YEATS2: variants seen among roughly 807,000 people sequenced by gnomAD.
YEATS2 encodes YEATS domain containing 2.
In YEATS2, 77 loss-of-function variants were observed where a neutral mutation model predicts 163.2. That is an observed-to-expected ratio of 0.47 (90% confidence interval 0.39 to 0.57). YEATS2 has a LOEUF of 0.57. Among genes scored for constraint, YEATS2 ranks in the 20% least tolerant of loss-of-function variants. The pLI is 0.00. For synonymous variants in YEATS2, 631 were observed against 645.1 expected (o/e 0.98, Z 0.33); for missense variants, 1,549 against 1,729.8 (o/e 0.90, Z 1.85).
Position 183,747,693 on chromosome 3 carries a change from T to G in YEATS2, c.946T>G (p.Leu316Val). The change falls in exon 9 of 31, where the codon TTG (leucine) becomes GTG (valine). Residue 316 changes from leucine (L) to valine (V), a missense_variant. By Grantham distance (32) the Leu-to-Val change is conservative. Coordinates refer to ENST00000305135, the MANE Select transcript of YEATS2 (RefSeq NM_018023.5). ...NLKLDRTYTG[L>V]QTLGAETVVD... Reference sequence around the variant, plus strand: ...ATAGCTGGATAGAACTTATACTGGCTTGCAGACTCTTGGAGCAGAGACGGT... The same window carrying G: ...ATAGCTGGATAGAACTTATACTGGCGTGCAGACTCTTGGAGCAGAGACGGT... 6.2e-7 allele frequency: 1 copy of G among 1,613,344 alleles called. No homozygotes were observed. Among genetic ancestry groups the G allele is most frequent in the African/African-American group, 1.3e-5 (1 of 75,052 alleles).
chr3:183,725,841 TTCTTC>T (rs1465676914), intron 6 of YEATS2, among the ~76,000 whole-genome samples: 9 of 152,320 alleles, frequency 5.9e-5, no homozygotes, highest in East Asian at 5.8e-4. Flanking sequence ...TCCTGTTCTT[TTCTTC>T]TGTTTTGAAA....
Position 183,772,483 on chromosome 3 carries a change from T to C in YEATS2, c.2126T>C (p.Ile709Thr). 6.2e-7 allele frequency: 1 copy of C among 1,614,080 alleles called. No homozygotes were observed. The highest frequency in any genetic ancestry group is 1.7e-5 in the Admixed American group (1 of 60,010). The change falls in exon 16 of 31, where the codon ATT (isoleucine) becomes ACT (threonine). Residue 709 changes from isoleucine (I) to threonine (T), a missense_variant. By Grantham distance (89) the Ile-to-Thr change is moderately conservative. Coordinates refer to ENST00000305135, the MANE Select transcript of YEATS2 (RefSeq NM_018023.5). ...ATTGTGAGTGGAGGTGGAGGAACCA[T>C]TGTTGCTCAGCCAGTGCAGACCTTA... is the stretch of plus-strand genomic sequence containing the variant. ...KAIVSGGGGTIVAQPVQTLTK... is the reference protein window; with the variant it reads ...KAIVSGGGGTTVAQPVQTLTK...
chr3:183,722,278 CTTTTTTTTTTTTTTTTTTT>C, intron 5 of YEATS2, 142 bp downstream of exon 5: 1 of 307,820 alleles, frequency 3.2e-6, no homozygotes, highest in Non-Finnish European at 5.0e-6. Flanking sequence ...GAAACCAAAT[CTTTTTTTTTTTTTTTTTTT>C]TTTTTTTTTG....
intron 7 of YEATS2, among the ~76,000 whole-genome samples, chr3:183,732,810 C>G (rs947622189): frequency 6.6e-6 from 1 of 152,124 alleles, no homozygotes; most frequent in African/African-American, 2.4e-5. Flanking sequence ...CTGCCCACCT[C>G]GGCCTCCCAA....
rs869091775 is a variant in YEATS2, at chr3:183,730,052, GTTTTTTTTTTTTTTTTTT to G, written c.812+1219_812+1236del. Among the ~76,000 whole-genome samples the G allele has an allele frequency of 2.5e-3, 106 of 41,714 alleles. 1 individual carries two copies. The highest frequency in any genetic ancestry group is 7.6e-3 in the African/African-American group (92 of 12,140). The allele number at this position is 41,714 out of a possible 152,430, so 27.4% of individuals were successfully genotyped here. A position where few individuals can be genotyped will look rare whatever the true frequency, so the allele number is the denominator to read the frequency against. Reference sequence around the variant, plus strand: ...ATATTAATTGTGTGGTTTTTTGTTTGTTTTTTTTTTTTTTTTTTTTTTTTTTTTTTTTTTTGGAGACAC... The same window carrying G: ...ATATTAATTGTGTGGTTTTTTGTTTGTTTTTTTTTTTTTTTTTGGAGACAC... On this transcript the variant is annotated intron_variant, in intron 7 of 30. Transcript: ENST00000305135.
At chr3:183,803,133 C>G in intron 25 of YEATS2, 123 bp from the exon 26 acceptor site, 1 of 984,484 alleles carries the variant, frequency 1.0e-6, no homozygotes, top group Non-Finnish European at 1.6e-6. Flanking sequence ...TCTGAGCTTG[C>G]CCAGTAAGGA....
intron 1 of YEATS2, among the ~76,000 whole-genome samples, chr3:183,711,019 T>TAA (rs1279535784): frequency 1.4e-4 from 22 of 152,330 alleles, no homozygotes; most frequent in African/African-American, 5.1e-4. Flanking sequence ...TTAGGTGTTT[T>TAA]TAGATTCCTA....
chr3:183,747,860 A>G (rs541744864), intron 9 of YEATS2, 144 bp downstream of exon 9: 4 of 575,694 alleles, frequency 6.9e-6, no homozygotes, highest in South Asian at 1.9e-5. Context: ...GCTCACTGCA[A>G]CCTCTTCCTC....
intron 8 of YEATS2, among the ~76,000 whole-genome samples, chr3:183,744,666 T>C (rs577744412): frequency 6.6e-6 from 1 of 152,188 alleles, no homozygotes; most frequent in Non-Finnish European, 1.5e-5. Flanking sequence ...CTTGAGACCC[T>C]AAACACCTGT....
At chr3:183,749,865 T>G (rs903007061) in intron 9 of YEATS2, among the ~76,000 whole-genome samples, 1 of 152,168 alleles carries the variant, frequency 6.6e-6, no homozygotes, top group Non-Finnish European at 1.5e-5. Flanking sequence ...TTGCCCAGGT[T>G]GGAGTGCAGT....
chr3:183,734,876 C>G (rs1000318951), intron 7 of YEATS2, among the ~76,000 whole-genome samples: 1 of 152,116 alleles, frequency 6.6e-6, no homozygotes, highest in East Asian at 1.9e-4. Context: ...TTTATTTCAC[C>G]TTCTATGAGG....
chr3:183,721,061 A>G (rs547199378), intron 4 of YEATS2, among the ~76,000 whole-genome samples: 2 of 152,248 alleles, frequency 1.3e-5, no homozygotes, highest in South Asian at 2.1e-4. Context: ...GATCTGTGCT[A>G]TTTGATAGTC....
rs574649349 is a variant in YEATS2 at position 183,761,432 on chromosome 3, A to G, written c.1657-75A>G. The stretch of plus-strand genomic sequence containing the variant: ...TTGCTAGAGAATGTCACAGGTTTGT[A>G]TTAAATATAAGTGACTAGATATCTG... On this transcript the variant is annotated intron_variant, in intron 13 of 30. Coordinates refer to ENST00000305135, the MANE Select transcript of YEATS2 (RefSeq NM_018023.5). 2.3e-6 allele frequency: 3 copies of G among 1,316,952 alleles called. No individual in the cohort carries two copies. In the African/African-American group the frequency reaches 4.4e-5, roughly 19 times the overall value. The allele number at this position is 1,316,952 out of a possible 1,614,324, so 81.6% of individuals were successfully genotyped here.
intron 8 of YEATS2, among the ~76,000 whole-genome samples, chr3:183,742,563 A>G (rs1719086490): frequency 6.6e-6 from 1 of 152,360 alleles, no homozygotes. Flanking sequence ...ACCTTAATGC[A>G]TGAGGATTTG....
chr3:183,763,127 G>A (rs531735727), intron 15 of YEATS2, among the ~76,000 whole-genome samples: 2 of 152,050 alleles, frequency 1.3e-5, no homozygotes, highest in South Asian at 4.2e-4. Flanking sequence ...TGGAAATGTA[G>A]CCATGCATCA....
Position 183,756,512 on chromosome 3 carries a change from CT to C in YEATS2, c.1391-11del, listed in dbSNP as rs767672850. 4.6e-6 allele frequency: 7 copies of C among 1,534,110 alleles called. No individual in the cohort carries two copies. In the South Asian group the frequency reaches 9.1e-5, roughly 20 times the overall value. Reference sequence around the variant, plus strand: ...TATGTGTATTTTGTTTGTATTCTCTCTTTTTAATTAATAAGGTTCCCCAATA... The same window carrying C: ...TATGTGTATTTTGTTTGTATTCTCTCTTTTAATTAATAAGGTTCCCCAATA... On this transcript the variant is annotated splice_polypyrimidine_tract_variant and intron_variant, in intron 11 of 30. Transcript: ENST00000305135.
intron 1 of YEATS2, among the ~76,000 whole-genome samples, chr3:183,712,602 A>G (rs1288633326): frequency 6.6e-6 from 1 of 152,098 alleles, no homozygotes; most frequent in Non-Finnish European, 1.5e-5. Flanking sequence ...TGGAAATCAG[A>G]GAGCTATTCT....
intron 1 of YEATS2, among the ~76,000 whole-genome samples, chr3:183,711,827 C>CT (rs1667024504): frequency 7.3e-6 from 1 of 136,228 alleles, no homozygotes; most frequent in African/African-American, 2.8e-5. Flanking sequence ...TTTTTTTTTT[C>CT]TTTGTTTTTT....
intron 1 of YEATS2, among the ~76,000 whole-genome samples, chr3:183,704,334 G>C (rs975871503): frequency 6.6e-6 from 1 of 152,002 alleles, no homozygotes; most frequent in African/African-American, 2.4e-5. Context: ...TACCCTGCTG[G>C]ATTGGATTTG....
Sources: gnomAD v4.1 joint callset for allele counts (sites outside exome capture counted in the v4.1 genomes callset) on GRCh38, gnomAD v4.1.1 for gene constraint, MANE v1.5 for transcripts, NCBI Gene and HGNC (gene_info 2026-07-23, HGNC 2026-07-21) for gene names.